Variants in ZMYM6 observed in about 807,000 individuals in gnomAD.
The protein encoded by ZMYM6 is zinc finger MYM-type protein 6.
A neutral mutation model predicts 134.0 loss-of-function variants in ZMYM6; 90 were observed. That is an observed-to-expected ratio of 0.67 (90% CI 0.57 to 0.80). The LOEUF is 0.80. Among genes scored for constraint, ZMYM6 ranks in the 30% least tolerant of loss-of-function variants. ZMYM6 has a pLI of 0.00. For missense variants in ZMYM6, 1,362 were observed against 1,533.9 expected, an observed-to-expected ratio of 0.89 and a Z score of 1.87; for synonymous variants, 481 against 524.1, an observed-to-expected ratio of 0.92 and a Z score of 1.12.
intron 14 of ZMYM6, among the ~76,000 whole-genome samples, chr1:34,993,976 T>A (rs1193069988): frequency 6.7e-6 from 1 of 149,258 alleles, no homozygotes; most frequent in Non-Finnish European, 1.5e-5. Flanking sequence ...TAAGCCACCG[T>A]GCCCGGCCAA....
intron 14 of ZMYM6, among the ~76,000 whole-genome samples, chr1:34,997,138 G>A (rs530860843): frequency 6.6e-6 from 1 of 152,254 alleles, no homozygotes; most frequent in South Asian, 2.1e-4. Flanking sequence ...CTGGCAATAA[G>A]AATACCTTAG....
chr1:34,995,515 A>C (rs1478892826), intron 14 of ZMYM6, among the ~76,000 whole-genome samples: 1 of 152,070 alleles, frequency 6.6e-6, no homozygotes, highest in Non-Finnish European at 1.5e-5. Flanking sequence ...AATATACTAT[A>C]ATAAAAATTA....
At position 35,010,937 on chromosome 1, in the gene ZMYM6, T is replaced by C; in HGVS notation, c.1162A>G (p.Ile388Val). The C allele has an allele frequency of 4.3e-6, 7 of 1,612,708 alleles. No homozygotes were observed. Among genetic ancestry groups the C allele is most frequent in the Admixed American group, 1.7e-5 (1 of 59,590 alleles). ...ACGGCAGAGGTGTTACCTCCTCCTA[T>C]TGACACTGCTGACCTGGAGGAGGGC... ...SPPSSRSAVSIGGGNTSAVSP... is the reference protein window; with the variant it reads ...SPPSSRSAVSVGGGNTSAVSP... The change falls in exon 9 of 16, where the codon ATA becomes GTA. Residue 388 changes from isoleucine to valine, a missense_variant. By Grantham distance (29) the Ile-to-Val change is conservative. Coordinates refer to ENST00000357182, the MANE Select transcript of ZMYM6 (RefSeq NM_007167.4).
At chr1:34,991,818 A>G (rs985457586) in intron 15 of ZMYM6, among the ~76,000 whole-genome samples, 1 of 152,176 alleles carries the variant, frequency 6.6e-6, no homozygotes, top group Non-Finnish European at 1.5e-5. Context: ...CTTTAGGCAC[A>G]GTAGACTATT....
At chr1:34,994,258 C>A (rs1412336311) in intron 14 of ZMYM6, among the ~76,000 whole-genome samples, 4 of 152,038 alleles carry the variant, frequency 2.6e-5, no homozygotes, top group Non-Finnish European at 5.9e-5. Flanking sequence ...ATATATAATT[C>A]TAGGTAGTGA....
intron 14 of ZMYM6, among the ~76,000 whole-genome samples, chr1:34,994,464 G>A (rs11804392): frequency 0.057 from 8,594 of 152,102 alleles, 718 homozygotes; most frequent in African/African-American, 0.19. Context: ...AGAAAGCTTG[G>A]CATGCTTTAG....
At chr1:34,989,988 G>A (rs1298647581) in intron 15 of ZMYM6, 1 of 151,996 alleles carries the variant, frequency 6.6e-6, no homozygotes, top group Non-Finnish European at 1.5e-5. Context: ...AATAAATATT[G>A]CAAAAAGTTA....
intron 2 of ZMYM6, among the ~76,000 whole-genome samples, chr1:35,025,070 C>T (rs1557588997): frequency 6.6e-6 from 1 of 151,486 alleles, no homozygotes; most frequent in East Asian, 2.0e-4. Flanking sequence ...GTGGTTTCAC[C>T]GTGTTGGCCA....
In ZMYM6 at chr1:34,988,844, T is replaced by C; in HGVS notation, c.2238A>G (p.Thr746=). Residue 746 remains threonine, a synonymous_variant, in exon 16 of 16, where the codon ACA becomes ACG. Transcript: ENST00000357182. Reference sequence around the variant, plus strand: ...TAATAAAACCAACTTTTAAATATTCTGTATCATAAGTCTGGAAAAAACCTA... The same window carrying C: ...TAATAAAACCAACTTTTAAATATTCCGTATCATAAGTCTGGAAAAAACCTA... ...KRLGFFQTYD[T]EYLKVGFIIC... 1.3e-6 allele frequency: 2 copies of C among 1,590,978 alleles called. No homozygotes were observed. Among genetic ancestry groups the C allele is most frequent in the South Asian group, 2.3e-5 (2 of 88,038 alleles).
At chr1:35,011,099 T>C (rs762476883) in intron 8 of ZMYM6, 63 bp from the exon 9 acceptor site, 10 of 1,484,664 alleles carry the variant, frequency 6.7e-6, no homozygotes, top group Non-Finnish European at 7.2e-6. Flanking sequence ...TTTGTACTTT[T>C]CATTTCCTCA....
chr1:35,014,467 G>C (rs1167880451), intron 6 of ZMYM6, among the ~76,000 whole-genome samples: 1 of 152,174 alleles, frequency 6.6e-6, no homozygotes, highest in African/African-American at 2.4e-5. Flanking sequence ...AATCACATTT[G>C]TAAATTCTTA....
At chr1:34,994,202 T>C (rs1245906254) in intron 14 of ZMYM6, among the ~76,000 whole-genome samples, 4 of 152,112 alleles carry the variant, frequency 2.6e-5, no homozygotes, top group African/African-American at 9.7e-5. Context: ...CATATGAGCC[T>C]TACATTCTAG....
chr1:35,010,974 CA>C lies in ZMYM6; in HGVS notation c.1124del (p.Val375GlyfsTer3). The C allele has an allele frequency of 5.0e-6, 8 of 1,613,848 alleles. No individual in the cohort carries two copies. Among genetic ancestry groups the C allele is most frequent in the Non-Finnish European group, 6.8e-6 (8 of 1,179,934 alleles). On this transcript the variant is annotated frameshift_variant, in exon 9 of 16. Transcript: ENST00000357182. LOFTEE classifies it high-confidence loss of function. ...SSAVPLSQGQVVVSPPSSRSA... is the reference protein window; with the variant it reads ...SSAVPLSQGQXVVSPPSSRSA... Reference sequence around the variant, plus strand: ...ACCTGGAGGAGGGCGGGCTTACAACCACTTGGCCCTGAGACAGGGGCACCGC... The same window carrying C: ...ACCTGGAGGAGGGCGGGCTTACAACCCTTGGCCCTGAGACAGGGGCACCGC...
At chr1:35,023,516 A>G (rs1557587726) in intron 2 of ZMYM6, among the ~76,000 whole-genome samples, 1 of 152,242 alleles carries the variant, frequency 6.6e-6, no homozygotes, top group Non-Finnish European at 1.5e-5. Flanking sequence ...GTTCTTAAAC[A>G]TTATACTTAA....
intron 10 of ZMYM6, 61 bp from the exon 11 acceptor site, chr1:35,008,985 T>G (rs138131604): frequency 6.5e-7 from 1 of 1,535,450 alleles, no homozygotes. Flanking sequence ...GGAGGTATAA[T>G]AAGTTTCTGT....
intron 4 of ZMYM6, among the ~76,000 whole-genome samples, chr1:35,015,723 C>CAAAAAAAAAAAAAA (rs1331400824): frequency 2.0e-5 from 1 of 51,214 alleles, no homozygotes; most frequent in Non-Finnish European, 3.2e-5. Flanking sequence ...GACTCCATCT[C>CAAAAAAAAAAAAAA]AAAAAAAAAA....
chr1:35,030,556 G>C lies in ZMYM6; in HGVS notation c.84C>G (p.Asp28Glu). 6.2e-7 allele frequency: 1 copy of C among 1,611,922 alleles called. No individual in the cohort carries two copies. Among genetic ancestry groups the C allele is most frequent in the Non-Finnish European group, 8.5e-7 (1 of 1,179,684 alleles). Residue 28 changes from aspartate to glutamate, a missense_variant, in exon 2 of 16, where the codon GAC (aspartate) becomes GAG (glutamate). This residue lies in a region of ZMYM6 where 503 missense variants were observed against 520.8 expected (regional missense o/e 0.97). Coordinates refer to ENST00000357182, the MANE Select transcript of ZMYM6 (RefSeq NM_007167.4). ...AAGATGAAATGCTTACTTGAGCATT[G>C]TCTGGTTCTTCTTTAATTTTGTCCA... ...ELLDKIKEEP[D>E]NAQEYGCVQQ... is the part of the protein sequence containing the mutation.
intron 2 of ZMYM6, among the ~76,000 whole-genome samples, chr1:35,020,958 A>G (rs1231689969): frequency 6.6e-6 from 1 of 152,082 alleles, no homozygotes; most frequent in Non-Finnish European, 1.5e-5. Context: ...TAATCTTTAC[A>G]AAGACAATCT....
At chr1:35,019,660 GTCTCTC>G (rs377267965) in intron 3 of ZMYM6, 58 bp from the exon 4 acceptor site, 57 of 1,460,518 alleles carry the variant, frequency 3.9e-5, no homozygotes, top group Non-Finnish European at 4.7e-5. Flanking sequence ...TACAGTCTCA[GTCTCTC>G]TCTCTCTCTC....
Sources: gnomAD v4.1 joint callset for allele counts (sites outside exome capture counted in the v4.1 genomes callset) on GRCh38, gnomAD v4.1.1 for gene constraint, gnomAD v4.1.1 regional missense constraint, MANE v1.5 for transcripts, NCBI Gene and HGNC (gene_info 2026-07-23, HGNC 2026-07-21) for gene names.